TOX: variants seen among roughly 807,000 people sequenced by gnomAD.
TOX encodes the protein thymocyte selection-associated high mobility group box protein TOX.
TOX carries 11 observed loss-of-function variants against 53.7 expected under a neutral mutation model. The observed-to-expected ratio is 0.20, with a 90% CI of 0.13 to 0.34. The LOEUF (loss-of-function observed/expected upper bound fraction) is 0.34, where lower values mean the gene tolerates loss of function less well. Among genes scored for constraint, TOX ranks in the 10% least tolerant of loss-of-function variants. The pLI, the probability that TOX is intolerant of heterozygous loss-of-function variation, is 1.00. For missense variants in TOX, 570 were observed against 664.6 expected (o/e 0.86, Z 1.56); for synonymous variants, 225 against 245.3 (o/e 0.92, Z 0.77).
rs181391246 is a variant in TOX, at chr8:58,813,076, T to G, written c.1392+2262A>C. 1.5e-4 allele frequency among the ~76,000 whole-genome samples: 23 copies of G among 152,358 alleles called. 1 individual carries two copies. The East Asian group carries it at 4.4e-3, about 29-fold the overall frequency. ...TTCCCATCTCAGCAAGCATACTTTT[T>G]GGGATACACTAACAGAACTGACTTA... On this transcript the variant is annotated intron_variant, in intron 7 of 8. Coordinates refer to ENST00000361421, the MANE Select transcript of TOX (RefSeq NM_014729.3).
In TOX at chr8:58,851,412, G is replaced by A; in HGVS notation, c.693+112C>T. The A allele has an allele frequency of 8.2e-7, 1 of 1,223,250 alleles. No homozygotes were observed. Among genetic ancestry groups the A allele is most frequent in the Admixed American group, 2.1e-5 (1 of 48,414 alleles). 75.8% of individuals were successfully genotyped at this position (1,223,250 alleles called of 1,614,324 possible). A position where few individuals can be genotyped will look rare whatever the true frequency, so the allele number is the denominator to read the frequency against. The stretch of plus-strand genomic sequence containing the variant: ...ACCTCATGCTTCATTAACAAAGCAG[G>A]TGTCTCCCTCCAATGTTTCTCGCAT... On this transcript the variant is annotated intron_variant, in intron 4 of 8. Transcript: ENST00000361421. The surrounding 1 kb of genome is among the most constrained non-coding windows in gnomAD (Gnocchi z 4.4).
intron 1 of TOX, among the ~76,000 whole-genome samples, chr8:59,072,964 T>G (rs1804224582): frequency 6.6e-6 from 1 of 152,198 alleles, no homozygotes; most frequent in African/African-American, 2.4e-5. Context: ...TGAAGCTAAT[T>G]TACATCAAAT....
intron 1 of TOX, among the ~76,000 whole-genome samples, chr8:59,007,400 T>C (rs568469756): frequency 3.9e-5 from 6 of 152,300 alleles, no homozygotes; most frequent in South Asian, 4.1e-4. Flanking sequence ...CTTTGAAGTG[T>C]CCAGGGGAAG....
intron 1 of TOX, among the ~76,000 whole-genome samples, chr8:59,069,310 G>A (rs1036742414): frequency 6.6e-6 from 1 of 152,136 alleles, no homozygotes; most frequent in Non-Finnish European, 1.5e-5. Context: ...ATGCTGGCTG[G>A]GGTCGCCAGG....
chr8:59,019,940 G>A (rs917536776), intron 1 of TOX, among the ~76,000 whole-genome samples: 4 of 152,106 alleles, frequency 2.6e-5, no homozygotes, highest in South Asian at 2.1e-4. Flanking sequence ...ATCATACATA[G>A]TTCACTCTTC....
At chr8:58,815,106 AAAG>A (rs1407649602) in intron 7 of TOX, among the ~76,000 whole-genome samples, 1 of 152,238 alleles carries the variant, frequency 6.6e-6, no homozygotes, top group Non-Finnish European at 1.5e-5. Context: ...GTGATTATGA[AAAG>A]AAGTGACTGT....
At chr8:59,041,758 G>T (rs1023227740) in intron 1 of TOX, among the ~76,000 whole-genome samples, 2 of 152,316 alleles carry the variant, frequency 1.3e-5, no homozygotes, top group African/African-American at 4.8e-5. Context: ...TCTTGGATCT[G>T]CCCGTTATTA....
At chr8:58,935,453 A>G (rs891718395) in intron 3 of TOX, among the ~76,000 whole-genome samples, 4 of 152,326 alleles carry the variant, frequency 2.6e-5, no homozygotes, top group African/African-American at 9.6e-5. Context: ...TTGATCCTAC[A>G]CATAAATTTT....
chr8:58,899,211 C>T (rs17231026), intron 3 of TOX, among the ~76,000 whole-genome samples: 2 of 152,166 alleles, frequency 1.3e-5, no homozygotes, highest in South Asian at 2.1e-4. Context: ...TATACTTTCC[C>T]GCTTTCTACT....
Position 59,016,120 on chromosome 8 carries a change from TA to T in TOX, c.103-56113del, listed in dbSNP as rs560159207. Among the ~76,000 whole-genome samples, 223 of 152,092 alleles carry T rather than the reference TA, an allele frequency of 1.5e-3. 2 individuals carry two copies. Among genetic ancestry groups the T allele is most frequent in the African/African-American group, 4.3e-3 (179 of 41,482 alleles). On this transcript the variant is annotated intron_variant, in intron 1 of 8. Coordinates refer to ENST00000361421, the MANE Select transcript of TOX (RefSeq NM_014729.3). ...AGTCACTAAATTGGTCTTCTCTTCT[TA>T]AAAAAAATCATTTTTTATAATCAAT...
intron 1 of TOX, among the ~76,000 whole-genome samples, chr8:59,072,512 A>T (rs1028862345): frequency 6.6e-6 from 1 of 152,238 alleles, no homozygotes; most frequent in African/African-American, 2.4e-5. Context: ...TTTAAGGGAA[A>T]TACACAAATT....
chr8:58,898,867 T>C (rs1174293076), intron 3 of TOX, among the ~76,000 whole-genome samples: 4 of 152,214 alleles, frequency 2.6e-5, no homozygotes, highest in Non-Finnish European at 5.9e-5. Context: ...TCTATTCTTA[T>C]GTATTAAGCA....
chr8:59,092,359 A>ATAT (rs1804638677), intron 1 of TOX, among the ~76,000 whole-genome samples: 1 of 127,864 alleles, frequency 7.8e-6, no homozygotes, highest in African/African-American at 3.4e-5. Flanking sequence ...TATATATTAT[A>ATAT]TATATATAAT....
chr8:58,931,035 C>T (rs548255558), intron 3 of TOX, among the ~76,000 whole-genome samples: 1 of 152,108 alleles, frequency 6.6e-6, no homozygotes, highest in Non-Finnish European at 1.5e-5. Context: ...GCCTTAAGAG[C>T]AATACCACAA....
At chr8:59,041,050 G>C (rs373842016) in intron 1 of TOX, among the ~76,000 whole-genome samples, 10 of 150,174 alleles carry the variant, frequency 6.7e-5, no homozygotes, top group Admixed American at 4.0e-4. Context: ...CCATCAGCAG[G>C]AGGCACTTCA....
chr8:59,054,193 G>A (rs983577129), intron 1 of TOX, among the ~76,000 whole-genome samples: 7 of 152,132 alleles, frequency 4.6e-5, no homozygotes, highest in African/African-American at 9.7e-5. Flanking sequence ...AAATGCTTAC[G>A]TTATAATATC....
At chr8:59,054,512 T>C (rs1221500241) in intron 1 of TOX, among the ~76,000 whole-genome samples, 1 of 152,184 alleles carries the variant, frequency 6.6e-6, no homozygotes, top group African/African-American at 2.4e-5. Context: ...TTTAGTAATT[T>C]ACAGGCAAGA....
chr8:59,014,618 C>A (rs897118794), intron 1 of TOX, among the ~76,000 whole-genome samples: 1 of 152,190 alleles, frequency 6.6e-6, no homozygotes, highest in Non-Finnish European at 1.5e-5. Flanking sequence ...TGCTGACGAC[C>A]TGCTTTAAAG....
At chr8:58,927,342 G>C (rs1013485830) in intron 3 of TOX, among the ~76,000 whole-genome samples, 2 of 152,106 alleles carry the variant, frequency 1.3e-5, no homozygotes, top group Admixed American at 6.5e-5. Flanking sequence ...AGGACAAAAG[G>C]CTCAATTGAG....
Sources: gnomAD v4.1 joint callset for allele counts (sites outside exome capture counted in the v4.1 genomes callset) on GRCh38, gnomAD v4.1.1 for gene constraint, Gnocchi (gnomAD v3.1) non-coding constraint, MANE v1.5 for transcripts, NCBI Gene and HGNC (gene_info 2026-07-23, HGNC 2026-07-21) for gene names.